CDH8: variants seen among roughly 807,000 people sequenced by gnomAD.
The protein encoded by CDH8 is cadherin 8.
A neutral mutation model predicts 68.1 loss-of-function variants in CDH8; 17 were observed. That is an observed-to-expected ratio of 0.25 (90% confidence interval 0.17 to 0.37). The LOEUF (loss-of-function observed/expected upper bound fraction) is 0.37. Among genes scored for constraint, CDH8 ranks in the 10% least tolerant of loss-of-function variants. The pLI, the probability that CDH8 is intolerant of heterozygous loss-of-function variation, is 1.00. For synonymous variants in CDH8, 372 were observed against 365.1 expected, an observed-to-expected ratio of 1.02 and a Z score of -0.21; for missense variants, 763 against 999.3, an observed-to-expected ratio of 0.76 and a Z score of 3.19.
intron 8 of CDH8, among the ~76,000 whole-genome samples, chr16:61,732,000 G>C (rs2142904409): frequency 6.6e-6 from 1 of 151,634 alleles, no homozygotes; most frequent in Non-Finnish European, 1.5e-5. Flanking sequence ...TCACTAGAGA[G>C]ACTCAAAAGT....
intron 7 of CDH8, among the ~76,000 whole-genome samples, chr16:61,789,703 C>A (rs772444171): frequency 6.6e-6 from 1 of 152,084 alleles, no homozygotes; most frequent in Non-Finnish European, 1.5e-5. Flanking sequence ...ACATGTAGTT[C>A]ATAAACTGCC....
intron 7 of CDH8, among the ~76,000 whole-genome samples, chr16:61,807,183 G>A (rs568079600): frequency 0.01 from 1,530 of 151,424 alleles, 38 homozygotes; most frequent in African/African-American, 0.035. Context: ...GGACATGGAT[G>A]AAATTGGAAA....
In CDH8 at chr16:62,020,573, A is replaced by G. The variant is rs138975324; in HGVS notation, c.252+579T>C. Among the ~76,000 whole-genome samples the G allele has an allele frequency of 8.5e-3, 1,293 of 152,266 alleles. 14 individuals are homozygous for G. The highest frequency in any genetic ancestry group is 0.013 in the Non-Finnish European group (872 of 68,022). ...TCTGTACATTTGATTTCACCTGACAATGAATGAACTAGTTTCCTATTGCAA... is the reference window on the plus strand; with the variant it reads ...TCTGTACATTTGATTTCACCTGACAGTGAATGAACTAGTTTCCTATTGCAA... On this transcript the variant is annotated intron_variant, in intron 2 of 11. Transcript: ENST00000577390.
intron 10 of CDH8, among the ~76,000 whole-genome samples, chr16:61,704,049 C>T (rs1175739745): frequency 6.6e-6 from 1 of 152,108 alleles, no homozygotes; most frequent in African/African-American, 2.4e-5. Flanking sequence ...ATCATACGGC[C>T]TATGTATTTA....
intron 2 of CDH8, among the ~76,000 whole-genome samples, chr16:61,991,014 G>A (rs977788590): frequency 1.3e-5 from 2 of 151,800 alleles, no homozygotes; most frequent in African/African-American, 4.8e-5. Flanking sequence ...AAGGAAGGGA[G>A]GAGAAGGGAG....
intron 8 of CDH8, among the ~76,000 whole-genome samples, chr16:61,783,952 G>C (rs1220117500): frequency 2.0e-5 from 3 of 152,074 alleles, no homozygotes; most frequent in Non-Finnish European, 2.9e-5. Flanking sequence ...AACATGGAAA[G>C]GAACAACCGG....
In CDH8 at chr16:61,726,769, A is replaced by G. The variant is rs1182168694; in HGVS notation, c.1536+325T>C. The G allele has an allele frequency of 2.4e-5, 9 of 378,276 alleles. No individual in the cohort carries two copies. The South Asian group carries it at 1.0e-3, about 42-fold the overall frequency. The allele number at this position is 378,276 out of a possible 1,614,324, so 23.4% of individuals were successfully genotyped here. ...ACGAGGTTTTACCTTGCTTCTTGTCATTTGAAAGTAAAAATTCAGCCCCCG... is the reference window on the plus strand; with the variant it reads ...ACGAGGTTTTACCTTGCTTCTTGTCGTTTGAAAGTAAAAATTCAGCCCCCG... On this transcript the variant is annotated intron_variant, in intron 9 of 11. Transcript: ENST00000577390.
intron 2 of CDH8, among the ~76,000 whole-genome samples, chr16:61,906,956 G>T (rs1216193851): frequency 6.6e-6 from 1 of 152,150 alleles, no homozygotes; most frequent in Non-Finnish European, 1.5e-5. Context: ...ATGAATAATG[G>T]ATGATAGATG....
At chr16:61,921,602 T>C (rs1964369215) in intron 2 of CDH8, among the ~76,000 whole-genome samples, 1 of 152,216 alleles carries the variant, frequency 6.6e-6, no homozygotes, top group Non-Finnish European at 1.5e-5. Flanking sequence ...TGATACTGTA[T>C]AATAAAATCT....
chr16:61,833,993 T>C (rs1380804477), intron 4 of CDH8, among the ~76,000 whole-genome samples: 1 of 151,920 alleles, frequency 6.6e-6, no homozygotes, highest in African/African-American at 2.4e-5. Context: ...CATGTCATAA[T>C]TATCGCCCAG....
At chr16:61,990,295 T>C (rs926305520) in intron 2 of CDH8, among the ~76,000 whole-genome samples, 8 of 150,716 alleles carry the variant, frequency 5.3e-5, no homozygotes, top group Non-Finnish European at 8.9e-5. Flanking sequence ...ATAAGATTCT[T>C]GAAGAAGTCC....
chr16:62,001,718 C>T (rs1317054386), intron 2 of CDH8, among the ~76,000 whole-genome samples: 4 of 152,082 alleles, frequency 2.6e-5, no homozygotes, highest in Admixed American at 6.6e-5. Context: ...AGGCGCACAA[C>T]ATGCAGGTTA....
chr16:61,740,464 T>A (rs1045572297), intron 8 of CDH8, among the ~76,000 whole-genome samples: 1 of 152,092 alleles, frequency 6.6e-6, no homozygotes, highest in Admixed American at 6.6e-5. Flanking sequence ...TTATAGTGGA[T>A]TTTCCCAGAA....
chr16:61,717,880 C>A (rs1596895460), intron 9 of CDH8, among the ~76,000 whole-genome samples: 1 of 151,412 alleles, frequency 6.6e-6, no homozygotes, highest in East Asian at 2.0e-4. Context: ...CTCACAATAC[C>A]TTGAGAGGTA....
intron 8 of CDH8, among the ~76,000 whole-genome samples, chr16:61,730,737 C>T (rs1381784160): frequency 1.3e-5 from 2 of 151,458 alleles, no homozygotes; most frequent in Admixed American, 1.3e-4. Context: ...CAAAATAAAA[C>T]CTAAACTGTT....
chr16:61,771,168 T>C (rs1960767578), intron 8 of CDH8, among the ~76,000 whole-genome samples: 1 of 151,836 alleles, frequency 6.6e-6, no homozygotes, highest in South Asian at 2.1e-4. Flanking sequence ...ACAGATTTAT[T>C]TTAGGTATCA....
chr16:61,812,685 T>G (rs1448351764), intron 7 of CDH8, among the ~76,000 whole-genome samples: 1 of 152,220 alleles, frequency 6.6e-6, no homozygotes, highest in Admixed American at 6.6e-5. Flanking sequence ...ATAAATAATT[T>G]GCTGCATATA....
At chr16:61,792,682 C>T (rs559872058) in intron 7 of CDH8, among the ~76,000 whole-genome samples, 3 of 152,074 alleles carry the variant, frequency 2.0e-5, no homozygotes, top group African/African-American at 7.2e-5. Flanking sequence ...GCTTCTGAGT[C>T]ATTGTGAAGT....
rs959548568 is a variant in CDH8 at position 61,647,621 on chromosome 16, G to A, written c.*5987C>T. The A allele has an allele frequency of 5.4e-6, 3 of 558,008 alleles. No homozygotes were observed. Among genetic ancestry groups the A allele is most frequent in the Non-Finnish European group, 9.5e-6 (3 of 314,698 alleles). 34.6% of individuals were successfully genotyped at this position (558,008 alleles called of 1,614,324 possible). On this transcript the variant is annotated 3_prime_UTR_variant, in exon 12 of 12. Transcript: ENST00000577390. Reference sequence around the variant, plus strand: ...CCCAAGAAATTAACATTTGGCTTTGGGGGGTGATCCCAATGACTCCTAAAT... The same window carrying A: ...CCCAAGAAATTAACATTTGGCTTTGAGGGGTGATCCCAATGACTCCTAAAT...
Sources: gnomAD v4.1 joint callset for allele counts (sites outside exome capture counted in the v4.1 genomes callset) on GRCh38, gnomAD v4.1.1 for gene constraint, MANE v1.5 for transcripts, NCBI Gene and HGNC (gene_info 2026-07-23, HGNC 2026-07-21) for gene names.